The following URGCP variants were observed in gnomAD, a reference collection of about 807,000 sequenced individuals.
URGCP encodes the protein up-regulator of cell proliferation.
URGCP carries 13 observed loss-of-function variants against 24.6 expected under a neutral mutation model. That is an observed-to-expected ratio of 0.53 (90% CI 0.34 to 0.84). The LOEUF (loss-of-function observed/expected upper bound fraction) is 0.84. Ranked by LOEUF, URGCP falls within the 40% of genes least tolerant of loss-of-function variation. The pLI is 0.01. For synonymous variants in URGCP, 444 were observed against 487.2 expected, an observed-to-expected ratio of 0.91 and a Z score of 1.17; for missense variants, 899 against 1,194.3, an observed-to-expected ratio of 0.75 and a Z score of 3.64.
intron 1 of URGCP, among the ~76,000 whole-genome samples, chr7:43,925,771 A>C (rs757896452): frequency 1.4e-4 from 19 of 136,714 alleles, no homozygotes; most frequent in Non-Finnish European, 9.3e-5. Flanking sequence ...AAGTGCTGGG[A>C]TTATAGGCGT....
intron 1 of URGCP, among the ~76,000 whole-genome samples, chr7:43,912,612 C>CGTT (rs1554292515): frequency 1.3e-5 from 2 of 151,754 alleles, no homozygotes; most frequent in African/African-American, 4.8e-5. Context: ...GCAAAACCAT[C>CGTT]GAGATTTTGA....
At chr7:43,920,808 A>T (rs1050020093) in intron 1 of URGCP, among the ~76,000 whole-genome samples, 1 of 152,172 alleles carries the variant, frequency 6.6e-6, no homozygotes, top group African/African-American at 2.4e-5. Context: ...ATGAAAACCC[A>T]GCAATTAAAA....
upstream of URGCP, chr7:43,906,648 C>T: frequency 8.8e-7 from 1 of 1,139,146 alleles, no homozygotes; most frequent in Non-Finnish European, 1.1e-6. Context: ...CGGGGAGGGG[C>T]CTGGCCCGCC....
chr7:43,888,536 T>A (rs577003661), intron 1 of URGCP: 2 of 149,418 alleles, frequency 1.3e-5, no homozygotes, highest in African/African-American at 4.9e-5. Context: ...CTATTTTAGA[T>A]GTATCATAGA....
intron 1 of URGCP, among the ~76,000 whole-genome samples, chr7:43,913,435 GTCT>G (rs1162965973): frequency 2.0e-5 from 3 of 151,444 alleles, no homozygotes; most frequent in African/African-American, 7.3e-5. Context: ...AGCCAGGATG[GTCT>G]TCATCTCCTG....
chr7:43,921,693 A>C (rs1284462169), intron 1 of URGCP, among the ~76,000 whole-genome samples: 1 of 152,222 alleles, frequency 6.6e-6, no homozygotes, highest in African/African-American at 2.4e-5. Flanking sequence ...TCTCAGTAAA[A>C]TGTTCTAAGA....
At chr7:43,882,094 T>G in intron 3 of URGCP, 137 bp from the exon 4 acceptor site, 1 of 1,440,832 alleles carries the variant, frequency 6.9e-7, no homozygotes. Context: ...GTCCAGGAGT[T>G]TGAGACCAGC....
intron 1 of URGCP, chr7:43,888,108 G>A (rs564175772): frequency 9.1e-4 from 273 of 298,692 alleles, no homozygotes; most frequent in Middle Eastern, 2.1e-3. Flanking sequence ...TATATATACA[G>A]AACTCTAGAA....
intron 1 of URGCP, among the ~76,000 whole-genome samples, chr7:43,894,854 A>G (rs554431390): frequency 2.0e-5 from 3 of 152,200 alleles, no homozygotes; most frequent in South Asian, 2.1e-4. Flanking sequence ...ACAGAAGGAG[A>G]CTTCATCTCT....
chr7:43,904,179 T>C (rs901394302), intron 1 of URGCP, among the ~76,000 whole-genome samples: 19 of 152,254 alleles, frequency 1.2e-4, no homozygotes, highest in Non-Finnish European at 4.4e-5. Flanking sequence ...TCCCATCATC[T>C]GGTCCCAGTC....
At chr7:43,881,739 T>C (rs763955419) in intron 4 of URGCP, 42 bp from the exon 5 acceptor site, 6 of 1,613,892 alleles carry the variant, frequency 3.7e-6, no homozygotes, top group Non-Finnish European at 5.1e-6. Flanking sequence ...AATCAAATAA[T>C]GCACCCTTGG....
chr7:43,889,767 A>C (rs1486061503), intron 1 of URGCP: 3 of 152,192 alleles, frequency 2.0e-5, no homozygotes, highest in East Asian at 3.8e-4. Context: ...GTTTAGTTTC[A>C]TCTTCTTCTG....
chr7:43,922,743 G>GA (rs201017805), intron 1 of URGCP, among the ~76,000 whole-genome samples: 2 of 151,678 alleles, frequency 1.3e-5, no homozygotes, highest in Non-Finnish European at 2.9e-5. Flanking sequence ...TTTTGGTGAA[G>GA]AAAAAAAATT....
chr7:43,908,821 C>T (rs959970721), upstream of URGCP, among the ~76,000 whole-genome samples: 2 of 152,160 alleles, frequency 1.3e-5, no homozygotes, highest in African/African-American at 2.4e-5. Flanking sequence ...TCCCTGTGCA[C>T]ACATTCATAA....
chr7:43,890,767 G>C (rs1234846016), intron 1 of URGCP, among the ~76,000 whole-genome samples: 2 of 152,174 alleles, frequency 1.3e-5, no homozygotes, highest in Non-Finnish European at 2.9e-5. Context: ...TTAGCCAGTG[G>C]ACGGGCTGGT....
chr7:43,924,956 A>T (rs1025259497), intron 1 of URGCP, among the ~76,000 whole-genome samples: 3 of 152,150 alleles, frequency 2.0e-5, no homozygotes, highest in Admixed American at 1.3e-4. Flanking sequence ...ACGGGGTTTC[A>T]CCATGTTGCC....
chr7:43,904,134 G>A (rs1485948993), intron 1 of URGCP, among the ~76,000 whole-genome samples: 2 of 152,172 alleles, frequency 1.3e-5, no homozygotes, highest in Non-Finnish European at 2.9e-5. Flanking sequence ...TACCTTCAGC[G>A]AGTGGTGGGC....
At chr7:43,887,147 G>C (rs780243869) in intron 3 of URGCP, among the ~76,000 whole-genome samples, 2 of 152,130 alleles carry the variant, frequency 1.3e-5, no homozygotes, top group Non-Finnish European at 2.9e-5. Flanking sequence ...CTGTTTAACT[G>C]AATCCTGGGA....
intron 1 of URGCP, among the ~76,000 whole-genome samples, chr7:43,922,924 GTCTT>G (rs1049565462): frequency 1.7e-3 from 248 of 147,976 alleles, no homozygotes; most frequent in Middle Eastern, 6.8e-3. Context: ...CTTTCTTTCC[GTCTT>G]TCTTTCTTTC....
Sources: allele counts gnomAD v4.1 joint callset (sites outside exome capture counted in the v4.1 genomes callset), GRCh38; gene constraint gnomAD v4.1.1; transcripts MANE v1.5; gene names NCBI Gene and HGNC (gene_info 2026-07-23, HGNC 2026-07-21).